Variants in RPS6KC1 observed in about 807,000 individuals in gnomAD.
RPS6KC1 encodes ribosomal protein S6 kinase C1.
RPS6KC1 carries 54 observed loss-of-function variants against 103.8 expected under a neutral mutation model. The ratio of observed to expected loss-of-function variants is 0.52; its 90% CI spans 0.42 to 0.65. The LOEUF is 0.65. RPS6KC1 is among the 30% of genes least tolerant of loss of function. RPS6KC1 has a pLI of 0.00. For missense variants in RPS6KC1, 1,151 were observed against 1,253.8 expected, an observed-to-expected ratio of 0.92 and a Z score of 1.24; for synonymous variants, 439 against 438.7, an observed-to-expected ratio of 1.00 and a Z score of -0.01.
At chr1:213,089,951 T>A (rs1056617947) in intron 3 of RPS6KC1, among the ~76,000 whole-genome samples, 2 of 152,238 alleles carry the variant, frequency 1.3e-5, no homozygotes, top group African/African-American at 2.4e-5. Flanking sequence ...TTTGACTAAT[T>A]TCAGTCCAGC....
the RPS6KC1 span, among the ~76,000 whole-genome samples, chr1:213,703,662 C>T: frequency 2.0e-5 from 3 of 152,078 alleles, no homozygotes; most frequent in South Asian, 4.1e-4. Flanking sequence ...TATGTCATGC[C>T]GTTCTCTCCT....
chr1:213,567,748 TTCTCCAGG>T, the RPS6KC1 span, among the ~76,000 whole-genome samples: 8 of 152,226 alleles, frequency 5.3e-5, no homozygotes, highest in African/African-American at 1.9e-4. Context: ...GATTAGCAGC[TTCTCCAGG>T]TCTTACCAGC....
the RPS6KC1 span, among the ~76,000 whole-genome samples, chr1:213,715,349 A>G: frequency 6.6e-6 from 1 of 152,358 alleles, no homozygotes; most frequent in Admixed American, 6.5e-5. Context: ...GCCTATCTTC[A>G]TAGCGGGTAA....
chr1:213,170,867 C>T (rs780915689), intron 7 of RPS6KC1, among the ~76,000 whole-genome samples: 1 of 152,146 alleles, frequency 6.6e-6, no homozygotes, highest in Non-Finnish European at 1.5e-5. Context: ...GTCTGAATTT[C>T]AACCAACACA....
chr1:213,551,081 A>G, the RPS6KC1 span, among the ~76,000 whole-genome samples: 2 of 152,276 alleles, frequency 1.3e-5, no homozygotes, highest in Admixed American at 1.3e-4. Flanking sequence ...TGAACTCTGC[A>G]GAATTTTTTA....
chr1:213,361,315 T>C, the RPS6KC1 span, among the ~76,000 whole-genome samples: 1 of 152,252 alleles, frequency 6.6e-6, no homozygotes, highest in Non-Finnish European at 1.5e-5. Flanking sequence ...ACTGCTGTGC[T>C]AGCAATGAGC....
chr1:213,173,095 G>A (rs2091605398), intron 7 of RPS6KC1, among the ~76,000 whole-genome samples: 1 of 152,056 alleles, frequency 6.6e-6, no homozygotes, highest in African/African-American at 2.4e-5. Flanking sequence ...AAAAAAGTTG[G>A]ACTTGATCTC....
At chr1:213,125,844 G>A (rs895784031) in intron 5 of RPS6KC1, 2 of 151,936 alleles carry the variant, frequency 1.3e-5, no homozygotes, top group Non-Finnish European at 2.9e-5. Context: ...GATTTGAAAG[G>A]TAAGAGGAAA....
At chr1:213,301,749 G>A in the RPS6KC1 span, among the ~76,000 whole-genome samples, 18 of 138,356 alleles carry the variant, frequency 1.3e-4, no homozygotes, top group Non-Finnish European at 2.2e-4. Flanking sequence ...TTATTTATTT[G>A]TGAGACAGAG....
chr1:213,744,791 GGT>G, the RPS6KC1 span, among the ~76,000 whole-genome samples: 8 of 152,376 alleles, frequency 5.3e-5, 2 homozygotes, highest in South Asian at 1.7e-3. Flanking sequence ...GGGAAGGGAA[GGT>G]GTGTGCTGCT....
the RPS6KC1 span, among the ~76,000 whole-genome samples, chr1:213,344,614 A>C: frequency 6.6e-6 from 1 of 152,180 alleles, no homozygotes; most frequent in South Asian, 2.1e-4. Flanking sequence ...GGCTTACTGC[A>C]ACCTCTGCCT....
At chr1:213,267,878 G>T (rs1191665652) in intron 14 of RPS6KC1, among the ~76,000 whole-genome samples, 1 of 151,598 alleles carries the variant, frequency 6.6e-6, no homozygotes, top group African/African-American at 2.4e-5. Context: ...AGAAATTATT[G>T]AATCAGAAAA....
chr1:213,540,957 A>G, the RPS6KC1 span, among the ~76,000 whole-genome samples: 1 of 152,020 alleles, frequency 6.6e-6, no homozygotes, highest in Non-Finnish European at 1.5e-5. Context: ...TTTAAGTTTT[A>G]TCATGAGATT....
the RPS6KC1 span, among the ~76,000 whole-genome samples, chr1:213,696,410 G>A: frequency 4.6e-4 from 69 of 150,398 alleles, no homozygotes; most frequent in African/African-American, 1.6e-3. Context: ...GCTGAGGCAG[G>A]AGAATCGCTT....
At chr1:213,342,023 G>A in the RPS6KC1 span, among the ~76,000 whole-genome samples, 22 of 152,144 alleles carry the variant, frequency 1.4e-4, no homozygotes, top group African/African-American at 3.6e-4. Context: ...TCATTTCTCC[G>A]TTTGATTCTT....
At chr1:213,215,023 A>G (rs1185732818) in intron 8 of RPS6KC1, among the ~76,000 whole-genome samples, 2 of 152,234 alleles carry the variant, frequency 1.3e-5, no homozygotes, top group East Asian at 3.8e-4. Context: ...ACAAAGCTGG[A>G]CAGAGAATGA....
chr1:213,235,631 T>C (rs185792933), intron 10 of RPS6KC1, among the ~76,000 whole-genome samples: 5 of 152,186 alleles, frequency 3.3e-5, no homozygotes, highest in Admixed American at 1.3e-4. Flanking sequence ...AGGGGTGTGC[T>C]TGGTGTTCAA....
At chr1:213,728,961 T>TTTTTTTTTTTTTTTTTTTTTTTTTG in the RPS6KC1 span, among the ~76,000 whole-genome samples, 1 of 145,648 alleles carries the variant, frequency 6.9e-6, no homozygotes, top group Non-Finnish European at 1.5e-5. Context: ...TTTTTTTTTT[T>TTTTTTTTTTTTTTTTTTTTTTTTTG]TTTTACCAGT....
chr1:213,694,420 A>G, the RPS6KC1 span, among the ~76,000 whole-genome samples: 1 of 152,172 alleles, frequency 6.6e-6, no homozygotes, highest in African/African-American at 2.4e-5. Flanking sequence ...AGAGATGCCA[A>G]TATTCTGAAT....
Sources: gnomAD v4.1 joint callset for allele counts (sites outside exome capture counted in the v4.1 genomes callset) on GRCh38, gnomAD v4.1.1 for gene constraint, MANE v1.5 for transcripts, NCBI Gene and HGNC (gene_info 2026-07-23, HGNC 2026-07-21) for gene names.